GRAMD1C: variants seen among roughly 807,000 people sequenced by gnomAD.
GRAMD1C encodes GRAM domain containing 1C, also known as protein Aster-C.
Under a neutral mutation model 97.8 loss-of-function variants are expected in GRAMD1C, and 89 were observed. The observed-to-expected ratio is 0.91, with a 90% CI of 0.77 to 1.09. The LOEUF (loss-of-function observed/expected upper bound fraction) is 1.09, where lower values mean the gene tolerates loss of function less well. Ranked by LOEUF, GRAMD1C falls within the 50% of genes least tolerant of loss-of-function variation. The pLI, the probability that GRAMD1C is intolerant of heterozygous loss-of-function variation, is 0.00. For missense variants in GRAMD1C, 740 were observed against 766.4 expected (o/e 0.97, Z 0.41); for synonymous variants, 256 against 267.0 (o/e 0.96, Z 0.40).
At chr3:113,857,176 CAAAA>C (rs71297435) in intron 2 of GRAMD1C, among the ~76,000 whole-genome samples, 1 of 151,546 alleles carries the variant, frequency 6.6e-6, no homozygotes, top group African/African-American at 2.4e-5. Flanking sequence ...AACAAACAAA[CAAAA>C]AAATAAAACC....
chr3:113,867,753 G>T (rs1934641598), intron 2 of GRAMD1C, among the ~76,000 whole-genome samples: 1 of 152,132 alleles, frequency 6.6e-6, no homozygotes, highest in South Asian at 2.1e-4. Flanking sequence ...AGCAGTTTGA[G>T]TCATGTCTTA....
intron 6 of GRAMD1C, chr3:113,890,721 A>G (rs1176653814): frequency 1.4e-6 from 1 of 699,910 alleles, no homozygotes; most frequent in East Asian, 2.7e-5. Flanking sequence ...ACTGTATTGA[A>G]TGTCCTTCCA....
intron 6 of GRAMD1C, among the ~76,000 whole-genome samples, chr3:113,894,272 A>T (rs575148357): frequency 6.6e-6 from 1 of 151,824 alleles, no homozygotes; most frequent in East Asian, 1.9e-4. Context: ...CAGAAAATTT[A>T]CTTTTGTACT....
At chr3:113,883,536 A>C (rs1418395789) in intron 6 of GRAMD1C, among the ~76,000 whole-genome samples, 1 of 151,970 alleles carries the variant, frequency 6.6e-6, no homozygotes, top group Non-Finnish European at 1.5e-5. Context: ...AAAAAAAAAA[A>C]AAAACAACCA....
intron 6 of GRAMD1C, among the ~76,000 whole-genome samples, chr3:113,892,585 G>A (rs760402463): frequency 2.0e-5 from 3 of 152,174 alleles, no homozygotes; most frequent in Admixed American, 6.5e-5. Context: ...ATGTTTAGAC[G>A]TGAGTTTAAA....
chr3:113,848,449 T>C (rs2632258), intron 2 of GRAMD1C, among the ~76,000 whole-genome samples: 151,844 of 152,084 alleles, frequency 1, 75,803 homozygotes, highest in Middle Eastern at 1. Context: ...TTCAGATTTT[T>C]TATTTCAATT....
chr3:113,904,764 A>G (rs1412004319), intron 8 of GRAMD1C, among the ~76,000 whole-genome samples: 1 of 152,192 alleles, frequency 6.6e-6, no homozygotes, highest in Non-Finnish European at 1.5e-5. Flanking sequence ...ACTACTAGGC[A>G]TTATACTCAA....
intron 2 of GRAMD1C, among the ~76,000 whole-genome samples, chr3:113,849,286 T>G (rs1389288671): frequency 6.7e-6 from 1 of 149,638 alleles, no homozygotes; most frequent in East Asian, 1.9e-4. Flanking sequence ...TTTATTTATT[T>G]ATTTATTTAT....
intron 10 of GRAMD1C, among the ~76,000 whole-genome samples, chr3:113,916,708 C>T (rs1936827326): frequency 6.6e-6 from 1 of 152,036 alleles, no homozygotes; most frequent in Non-Finnish European, 1.5e-5. Context: ...AATCATGGAG[C>T]TGTACACTTG....
rs545489596 is a variant in GRAMD1C, at chr3:113,921,957, T to G, written c.1090+6119T>G. Among the ~76,000 whole-genome samples, 4 of 152,194 alleles carry G rather than the reference T, an allele frequency of 2.6e-5. No homozygotes were observed. The South Asian group carries it at 8.3e-4, about 31-fold the overall frequency. On this transcript the variant is annotated intron_variant, in intron 10 of 17. Transcript: ENST00000358160. Reference sequence around the variant, plus strand: ...GTTTCTTTTGCTGTGCAGATACTCTTTAGTTTAATTATGTCCCATTTGTCA... The same window carrying G: ...GTTTCTTTTGCTGTGCAGATACTCTGTAGTTTAATTATGTCCCATTTGTCA...
At chr3:113,876,437 T>G (rs1446656397) in intron 5 of GRAMD1C, among the ~76,000 whole-genome samples, 177 bp downstream of exon 5, 1 of 152,224 alleles carries the variant, frequency 6.6e-6, no homozygotes, top group Non-Finnish European at 1.5e-5. Context: ...AAATGACTGC[T>G]GACTTTTTTG....
rs1008237330 is a variant in GRAMD1C, at chr3:113,910,937, G to A, written c.952+1817G>A. ...TTTACTAACTGTATTAGTAGCTCAG[G>A]CTGCCATAACAAAATACTACAGATT... On this transcript the variant is annotated intron_variant, in intron 9 of 17. Transcript: ENST00000358160. 4.6e-5 allele frequency among the ~76,000 whole-genome samples: 7 copies of A among 152,154 alleles called. No individual in the cohort carries two copies. In the East Asian group the frequency reaches 1.3e-3, roughly 29 times the overall value.
intron 5 of GRAMD1C, among the ~76,000 whole-genome samples, chr3:113,881,492 A>C (rs976036437): frequency 6.6e-6 from 1 of 152,240 alleles, no homozygotes; most frequent in African/African-American, 2.4e-5. Flanking sequence ...TTGAAGTTGG[A>C]TATCTAGCAA....
chr3:113,893,086 A>G (rs1935800146), intron 6 of GRAMD1C, among the ~76,000 whole-genome samples: 1 of 152,174 alleles, frequency 6.6e-6, no homozygotes, highest in Non-Finnish European at 1.5e-5. Context: ...GCTGCCTTTC[A>G]CACTACAACA....
In GRAMD1C at chr3:113,872,400, T is replaced by C. The variant is rs13083658; in HGVS notation, c.259+2809T>C. On this transcript the variant is annotated intron_variant, in intron 3 of 17. Coordinates refer to ENST00000358160, the MANE Select transcript of GRAMD1C (RefSeq NM_017577.5). ...CTTCATTCTTTTTTTTCTTTTTTTT[T>C]TTTTTTTTTTTTGAGATAGAGTCTC... is the stretch of plus-strand genomic sequence containing the variant. Among the ~76,000 whole-genome samples the C allele has an allele frequency of 7.1e-3, 569 of 80,426 alleles. 1 individual carries two copies. The highest frequency in any genetic ancestry group is 0.011 in the Non-Finnish European group (378 of 32,932). The allele number at this position is 80,426 out of a possible 152,430, so 52.8% of individuals were successfully genotyped here.
At chr3:113,924,846 C>G (rs1225084257) in intron 10 of GRAMD1C, among the ~76,000 whole-genome samples, 1 of 152,126 alleles carries the variant, frequency 6.6e-6, no homozygotes, top group Non-Finnish European at 1.5e-5. Context: ...ACTCAGTGAT[C>G]TGTCTAATAC....
chr3:113,899,504 T>C (rs1325437536), intron 6 of GRAMD1C, among the ~76,000 whole-genome samples: 3 of 152,190 alleles, frequency 2.0e-5, no homozygotes, highest in Admixed American at 2.0e-4. Context: ...CTACATTATG[T>C]TTTTATGTTT....
chr3:113,835,848 A>G (rs113234144), upstream of GRAMD1C, among the ~76,000 whole-genome samples: 5 of 152,270 alleles, frequency 3.3e-5, no homozygotes, highest in African/African-American at 1.2e-4. Flanking sequence ...GTGTTCTGTG[A>G]CGTTTTTTAT....
rs772233296 is a variant in GRAMD1C, at chr3:113,841,285, C to CTTTTTTTTTTTTTTTTTTTT, written c.27+2365_27+2366insTTTTTTTTTTTTTTTTTTTT. ...TCACAAAGTACTTCTTTCTTTCTTT[C>CTTTTTTTTTTTTTTTTTTTT]TTTTTTTTTTTTTTTTGCGAGACAG... On this transcript the variant is annotated intron_variant, in intron 1 of 17. Transcript: ENST00000358160. 3.4e-4 allele frequency among the ~76,000 whole-genome samples: 32 copies of CTTTTTTTTTTTTTTTTTTTT among 94,334 alleles called. 1 individual carries two copies. The highest frequency in any genetic ancestry group is 4.3e-4 in the African/African-American group (11 of 25,844). 61.9% of individuals were successfully genotyped at this position (94,334 alleles called of 152,430 possible).
Sources: allele counts gnomAD v4.1 joint callset (sites outside exome capture counted in the v4.1 genomes callset), GRCh38; gene constraint gnomAD v4.1.1; transcripts MANE v1.5; gene names NCBI Gene and HGNC (gene_info 2026-07-23, HGNC 2026-07-21).